Variants in RALYL observed in about 807,000 individuals in gnomAD.
RALYL encodes RALY RNA binding protein like.
A neutral mutation model predicts 35.1 loss-of-function variants in RALYL; 29 were observed. That is an observed-to-expected ratio of 0.83 (90% CI 0.61 to 1.13). The LOEUF (loss-of-function observed/expected upper bound fraction) is 1.13, where lower values mean the gene tolerates loss of function less well. RALYL is among the 50% of genes most tolerant of loss of function. The pLI, the probability that RALYL is intolerant of heterozygous loss-of-function variation, is 0.00. For synonymous variants in RALYL, 120 were observed against 127.6 expected (o/e 0.94, Z 0.40); for missense variants, 359 against 360.4 (o/e 1.00, Z 0.03).
chr8:84,245,030 G>T (rs1325574294), intron 1 of RALYL, among the ~76,000 whole-genome samples: 7 of 152,166 alleles, frequency 4.6e-5, no homozygotes, highest in Non-Finnish European at 1.0e-4. Flanking sequence ...GAGTGACTCA[G>T]GTGGATACTG....
chr8:84,238,699 T>G (rs984360369), intron 1 of RALYL, among the ~76,000 whole-genome samples: 35 of 152,200 alleles, frequency 2.3e-4, no homozygotes, highest in African/African-American at 7.9e-4. Context: ...CTTTGAAGGC[T>G]GTAGTGGTAG....
intron 1 of RALYL, among the ~76,000 whole-genome samples, chr8:84,246,398 G>C (rs539121577): frequency 6.6e-6 from 1 of 152,242 alleles, no homozygotes; most frequent in African/African-American, 2.4e-5. Context: ...ATAATAATTT[G>C]CAAGGGAGAT....
intron 2 of RALYL, among the ~76,000 whole-genome samples, chr8:84,766,871 C>G (rs1281703045): frequency 6.6e-6 from 1 of 151,652 alleles, no homozygotes; most frequent in Admixed American, 6.6e-5. Context: ...TAACAATAGA[C>G]TTATTGAGCA....
intron 2 of RALYL, among the ~76,000 whole-genome samples, chr8:84,619,751 T>A (rs989026910): frequency 1.3e-5 from 2 of 151,748 alleles, no homozygotes; most frequent in African/African-American, 4.9e-5. Context: ...CTTTCCATGT[T>A]TAGCGCTTCC....
chr8:84,914,097 A>G (rs1394461619), intron 8 of RALYL, among the ~76,000 whole-genome samples: 1 of 152,018 alleles, frequency 6.6e-6, no homozygotes, highest in Non-Finnish European at 1.5e-5. Flanking sequence ...TTAATTCCAA[A>G]TAACATTTTT....
At chr8:84,667,775 A>G (rs1023500938) in intron 2 of RALYL, among the ~76,000 whole-genome samples, 2 of 149,596 alleles carry the variant, frequency 1.3e-5, no homozygotes, top group Non-Finnish European at 3.0e-5. Flanking sequence ...TAACCAACAT[A>G]TCTTATACCA....
chr8:84,261,350 T>C (rs1223184713), intron 1 of RALYL, among the ~76,000 whole-genome samples: 3 of 152,178 alleles, frequency 2.0e-5, no homozygotes, highest in Non-Finnish European at 2.9e-5. Context: ...CAGGTGGAGA[T>C]AATAGAATCA....
At chr8:84,395,288 A>C (rs1311168736) in intron 1 of RALYL, among the ~76,000 whole-genome samples, 1 of 151,888 alleles carries the variant, frequency 6.6e-6, no homozygotes, top group African/African-American at 2.4e-5. Flanking sequence ...TTTCTGTTGC[A>C]ACCACATTGT....
At chr8:84,204,269 A>G (rs1362706625) in intron 1 of RALYL, among the ~76,000 whole-genome samples, 1 of 152,126 alleles carries the variant, frequency 6.6e-6, no homozygotes, top group Non-Finnish European at 1.5e-5. Flanking sequence ...AAATGAGAGG[A>G]AGAGCACCAC....
At chr8:84,857,675 T>C (rs923917023) in intron 5 of RALYL, among the ~76,000 whole-genome samples, 1 of 152,072 alleles carries the variant, frequency 6.6e-6, no homozygotes, top group Non-Finnish European at 1.5e-5. Flanking sequence ...ACGAAGACCA[T>C]TTAACAGGCC....
At chr8:84,837,471 A>G (rs1832256306) in intron 4 of RALYL, among the ~76,000 whole-genome samples, 1 of 152,084 alleles carries the variant, frequency 6.6e-6, no homozygotes, top group Admixed American at 6.5e-5. Flanking sequence ...AAGTTCGGTG[A>G]GGGAAAATAA....
chr8:84,217,688 G>T (rs1474717165), intron 1 of RALYL, among the ~76,000 whole-genome samples: 2 of 152,078 alleles, frequency 1.3e-5, no homozygotes, highest in Admixed American at 6.6e-5. Context: ...CTGAAAAGCA[G>T]AATGCATGAA....
intron 1 of RALYL, among the ~76,000 whole-genome samples, chr8:84,271,082 C>G (rs1319027465): frequency 6.7e-6 from 1 of 149,400 alleles, no homozygotes; most frequent in African/African-American, 2.5e-5. Flanking sequence ...AATATTTGCT[C>G]TTTACAAGAT....
At chr8:84,844,564 T>C (rs1484962385) in intron 4 of RALYL, among the ~76,000 whole-genome samples, 3 of 152,188 alleles carry the variant, frequency 2.0e-5, no homozygotes, top group African/African-American at 7.2e-5. Context: ...AGTGTGGCAA[T>C]TCCTCAGGGA....
chr8:84,807,369 A>T (rs1050757117), intron 4 of RALYL, among the ~76,000 whole-genome samples: 1 of 152,198 alleles, frequency 6.6e-6, no homozygotes, highest in African/African-American at 2.4e-5. Flanking sequence ...GCTGATTAGT[A>T]TTCCATCATA....
chr8:84,722,743 C>A (rs752364001), intron 2 of RALYL, among the ~76,000 whole-genome samples: 21 of 147,486 alleles, frequency 1.4e-4, no homozygotes, highest in Non-Finnish European at 2.7e-4. Context: ...ATACATATCA[C>A]TCTAGCAATA....
intron 2 of RALYL, among the ~76,000 whole-genome samples, chr8:84,552,091 ACT>A (rs993450729): frequency 5.3e-5 from 8 of 150,576 alleles, no homozygotes; most frequent in African/African-American, 1.2e-4. Context: ...GGATCGAGTA[ACT>A]CTGTCAGAAA....
At chr8:84,387,031 G>A (rs758419791) in intron 1 of RALYL, among the ~76,000 whole-genome samples, 1 of 151,836 alleles carries the variant, frequency 6.6e-6, no homozygotes, top group Non-Finnish European at 1.5e-5. Context: ...TGAGGGTAGA[G>A]AGTGTCTCCT....
chr8:84,588,095 A>G (rs1812392519), intron 2 of RALYL, among the ~76,000 whole-genome samples: 1 of 152,154 alleles, frequency 6.6e-6, no homozygotes, highest in Non-Finnish European at 1.5e-5. Context: ...TTGAAGGTCC[A>G]GGGTGGCATC....
Sources: allele counts gnomAD v4.1 joint callset (sites outside exome capture counted in the v4.1 genomes callset), GRCh38; gene constraint gnomAD v4.1.1; transcripts MANE v1.5; gene names NCBI Gene and HGNC (gene_info 2026-07-23, HGNC 2026-07-21).